TAFA2: variants seen among roughly 807,000 people sequenced by gnomAD.
TAFA2 encodes TAFA chemokine like family member 2.
A neutral mutation model predicts 18.8 loss-of-function variants in TAFA2; 7 were observed. The observed-to-expected ratio is 0.37, with a 90% CI of 0.21 to 0.70. The LOEUF is 0.70. Ranked by LOEUF, TAFA2 falls within the 30% of genes least tolerant of loss-of-function variation. The pLI, the probability that TAFA2 is intolerant of heterozygous loss-of-function variation, is 0.53. For missense variants in TAFA2, 122 were observed against 158.1 expected, an observed-to-expected ratio of 0.77 and a Z score of 1.23; for synonymous variants, 60 against 54.2, an observed-to-expected ratio of 1.11 and a Z score of -0.47.
chr12:62,123,418 C>T (rs569017438), intron 1 of TAFA2, among the ~76,000 whole-genome samples: 11 of 151,972 alleles, frequency 7.2e-5, no homozygotes, highest in African/African-American at 2.4e-4. Flanking sequence ...AAAGCTTTCA[C>T]TGGGAAATTG....
At chr12:62,151,085 T>C (rs1240102769) in intron 1 of TAFA2, among the ~76,000 whole-genome samples, 1 of 152,170 alleles carries the variant, frequency 6.6e-6, no homozygotes, top group Non-Finnish European at 1.5e-5. Flanking sequence ...ATCTTACATA[T>C]CAACCACATA....
At chr12:61,782,500 G>A (rs142020208) in intron 2 of TAFA2, among the ~76,000 whole-genome samples, 74 of 151,654 alleles carry the variant, frequency 4.9e-4, no homozygotes, top group African/African-American at 1.7e-3. Flanking sequence ...TACCTGTATC[G>A]ATTGATGTCT....
chr12:61,931,785 T>G (rs1429760800), intron 1 of TAFA2, among the ~76,000 whole-genome samples: 1 of 152,224 alleles, frequency 6.6e-6, no homozygotes, highest in African/African-American at 2.4e-5. Flanking sequence ...TTAATTATCT[T>G]CTTTGGGAAA....
At chr12:62,204,000 T>C (rs2062682282) in intron 1 of TAFA2, among the ~76,000 whole-genome samples, 1 of 152,232 alleles carries the variant, frequency 6.6e-6, no homozygotes, top group Non-Finnish European at 1.5e-5. Context: ...ATTTAGTGCT[T>C]CCTTCAGGAG....
At chr12:62,132,858 C>T (rs1446827754) in intron 1 of TAFA2, among the ~76,000 whole-genome samples, 1 of 151,876 alleles carries the variant, frequency 6.6e-6, no homozygotes, top group East Asian at 1.9e-4. Flanking sequence ...CTGGAAAATT[C>T]AGTGTATGTT....
chr12:61,742,973 TCTC>T (rs1868525792), intron 4 of TAFA2, among the ~76,000 whole-genome samples: 1 of 151,848 alleles, frequency 6.6e-6, no homozygotes, highest in Non-Finnish European at 1.5e-5. Context: ...ATCAGACCCT[TCTC>T]CTCTCCTGCT....
At chr12:61,959,991 CTG>C (rs1385974549) in intron 1 of TAFA2, among the ~76,000 whole-genome samples, 1 of 152,012 alleles carries the variant, frequency 6.6e-6, no homozygotes, top group Non-Finnish European at 1.5e-5. Flanking sequence ...CCTTCCACCT[CTG>C]TGTCCTGAGT....
chr12:62,108,783 T>G (rs1441445850), intron 1 of TAFA2, among the ~76,000 whole-genome samples: 4 of 152,250 alleles, frequency 2.6e-5, no homozygotes, highest in African/African-American at 9.6e-5. Context: ...CATAAATGCC[T>G]TATTTTGAGA....
chr12:61,950,270 G>T (rs1009326562), intron 1 of TAFA2, among the ~76,000 whole-genome samples: 2 of 151,908 alleles, frequency 1.3e-5, no homozygotes, highest in African/African-American at 4.8e-5. Flanking sequence ...AATCATTTTA[G>T]GTCTATACCC....
chr12:61,723,608 T>C (rs1187823582), intron 4 of TAFA2, among the ~76,000 whole-genome samples: 1 of 152,110 alleles, frequency 6.6e-6, no homozygotes, highest in African/African-American at 2.4e-5. Flanking sequence ...GACATTCAGC[T>C]TCACATTTTC....
intron 1 of TAFA2, among the ~76,000 whole-genome samples, chr12:62,042,401 CTGTGTG>C (rs147189045): frequency 0.034 from 4,858 of 144,038 alleles, 252 homozygotes; most frequent in African/African-American, 0.11. Flanking sequence ...GCATTGAAGT[CTGTGTG>C]TGTGTGTGTG....
At chr12:62,144,570 G>A (rs1199080226) in intron 1 of TAFA2, among the ~76,000 whole-genome samples, 1 of 152,208 alleles carries the variant, frequency 6.6e-6, no homozygotes, top group Non-Finnish European at 1.5e-5. Context: ...TACAGAAGCA[G>A]CCACAGAGCA....
intron 1 of TAFA2, among the ~76,000 whole-genome samples, chr12:62,052,273 G>A (rs1416911638): frequency 2.6e-5 from 4 of 152,148 alleles, no homozygotes; most frequent in Non-Finnish European, 5.9e-5. Context: ...ACAACTCACT[G>A]CAGTCTCAAT....
chr12:61,868,761 A>G (rs2121223268), intron 1 of TAFA2, among the ~76,000 whole-genome samples: 1 of 152,280 alleles, frequency 6.6e-6, no homozygotes, highest in African/African-American at 2.4e-5. Context: ...TGAGGAGGTT[A>G]TAGGGATTAC....
chr12:61,881,236 T>G (rs1000893086), intron 1 of TAFA2, among the ~76,000 whole-genome samples: 1 of 152,172 alleles, frequency 6.6e-6, no homozygotes, highest in Non-Finnish European at 1.5e-5. Context: ...TATACAGTTA[T>G]GCATTGCTCA....
intron 1 of TAFA2, among the ~76,000 whole-genome samples, chr12:62,083,945 G>A (rs1306475376): frequency 6.6e-6 from 1 of 152,036 alleles, no homozygotes; most frequent in Non-Finnish European, 1.5e-5. Flanking sequence ...CTCATTGTAT[G>A]TGTGCTTGAG....
chr12:61,880,341 A>G, intron 1 of TAFA2: 2 of 494,916 alleles, frequency 4.0e-6, no homozygotes, highest in Non-Finnish European at 8.1e-6. Flanking sequence ...GATGCCGAGA[A>G]GCGCAGGGAG....
At chr12:62,142,638 C>A (rs2062247909) in intron 1 of TAFA2, among the ~76,000 whole-genome samples, 1 of 152,182 alleles carries the variant, frequency 6.6e-6, no homozygotes, top group South Asian at 2.1e-4. Flanking sequence ...CAAGTCAGAT[C>A]TTTCTATTAA....
chr12:61,897,537 G>T (rs1875904268), intron 1 of TAFA2, among the ~76,000 whole-genome samples: 1 of 151,994 alleles, frequency 6.6e-6, no homozygotes, highest in Admixed American at 6.6e-5. Flanking sequence ...ATGGCAGCAG[G>T]TGAGAGAGAG....
Sources: allele counts gnomAD v4.1 joint callset (sites outside exome capture counted in the v4.1 genomes callset), GRCh38; gene constraint gnomAD v4.1.1; transcripts MANE v1.5; gene names NCBI Gene and HGNC (gene_info 2026-07-23, HGNC 2026-07-21).